Variants in MED15 observed in about 807,000 individuals in gnomAD.
The protein encoded by MED15 is mediator of RNA polymerase II transcription subunit 15.
In MED15, 41 loss-of-function variants were observed where a neutral mutation model predicts 118.7. The observed-to-expected ratio is 0.35, with a 90% CI of 0.27 to 0.45. The LOEUF is 0.45. MED15 is among the 20% of genes least tolerant of loss of function. The probability of loss-of-function intolerance (pLI) is 1.00; values close to 1 mark genes in which losing one functional copy is unlikely to be tolerated. For synonymous variants in MED15, 436 were observed against 413.9 expected (o/e 1.05, Z -0.65); for missense variants, 740 against 1,025.5 (o/e 0.72, Z 3.80).
At chr22:20,559,376 T>G (rs567559343) in intron 5 of MED15, among the ~76,000 whole-genome samples, 1 of 149,964 alleles carries the variant, frequency 6.7e-6, no homozygotes, top group East Asian at 1.9e-4. Context: ...TTATCTAGAA[T>G]GTAGCACAGA....
intron 2 of MED15, among the ~76,000 whole-genome samples, chr22:20,547,896 G>A (rs2055614971): frequency 2.0e-5 from 3 of 152,168 alleles, no homozygotes; most frequent in Non-Finnish European, 4.4e-5. Flanking sequence ...CTGCTCAGGA[G>A]GCTGAGGTGG....
intron 6 of MED15, among the ~76,000 whole-genome samples, chr22:20,565,375 C>T (rs1392295386): frequency 6.6e-6 from 1 of 152,188 alleles, no homozygotes; most frequent in Admixed American, 6.5e-5. Context: ...ACACATGTGC[C>T]TCCTGTTTAC....
In MED15 at chr22:20,527,826, G is replaced by A. The variant is rs189782930; in HGVS notation, c.69-9291G>A. On this transcript the variant is annotated intron_variant, in intron 1 of 17. Transcript: ENST00000263205. ...TCAAAAATTAGCTGGGCATGGTGGC[G>A]CGCGCCTGTAGTCCCAGCTACTCGG... Among the ~76,000 whole-genome samples, 342 of 151,952 alleles carry A rather than the reference G, an allele frequency of 2.3e-3. 2 individuals are homozygous for A. The highest frequency in any genetic ancestry group is 3.8e-3 in the Non-Finnish European group (260 of 67,946).
At chr22:20,579,311 T>C (rs1409537646) in intron 9 of MED15, among the ~76,000 whole-genome samples, 1 of 152,168 alleles carries the variant, frequency 6.6e-6, no homozygotes, top group Admixed American at 6.5e-5. Flanking sequence ...CACTGACACC[T>C]GGGCACAGGG....
chr22:20,528,502 C>G (rs1316268832), intron 1 of MED15, among the ~76,000 whole-genome samples: 1 of 152,210 alleles, frequency 6.6e-6, no homozygotes, highest in Non-Finnish European at 1.5e-5. Flanking sequence ...CACCACTTAT[C>G]TGACAGGAGG....
rs575839380 is a variant in MED15 at position 20,570,107 on chromosome 22, C to G, written c.1152+1476C>G. On this transcript the variant is annotated intron_variant, in intron 8 of 17. Transcript: ENST00000263205. ...TGGCACGATCTTGGCTCACTGCAAC[C>G]TCTGCCTCCTGGGTTCAAGTGATTC... Among the ~76,000 whole-genome samples the G allele has an allele frequency of 3.3e-5, 5 of 152,174 alleles. No homozygotes were observed. In the East Asian group the frequency reaches 9.7e-4, roughly 29 times the overall value.
chr22:20,574,999 C>G (rs165842), intron 8 of MED15, 114 bp from the exon 9 acceptor site: 632,484 of 1,513,140 alleles, frequency 0.42, 134,467 homozygotes, highest in East Asian at 0.52. Flanking sequence ...GCTGCCCAAG[C>G]TTTCCTTGCC....
intron 8 of MED15, among the ~76,000 whole-genome samples, chr22:20,570,726 T>TTTTCTTTTCTTTC (rs2056620528): frequency 8.8e-6 from 1 of 113,742 alleles, no homozygotes; most frequent in Non-Finnish European, 1.8e-5. Context: ...TTCTCTTTTC[T>TTTTCTTTTCTTTC]TTTCTTTCTT....
chr22:20,512,628 G>C (rs1184628682), intron 1 of MED15, among the ~76,000 whole-genome samples: 1 of 122,296 alleles, frequency 8.2e-6, no homozygotes, highest in East Asian at 2.5e-4. Flanking sequence ...GTCTCGCTCT[G>C]TTGCCCAGGC....
chr22:20,548,978 T>G (rs1312839973), intron 2 of MED15, among the ~76,000 whole-genome samples: 1 of 152,112 alleles, frequency 6.6e-6, no homozygotes, highest in Non-Finnish European at 1.5e-5. Flanking sequence ...TGTTTGTTTG[T>G]TTTGTAGAGA....
Position 20,586,895 on chromosome 22 carries a change from G to C in MED15, c.*191G>C. The C allele has an allele frequency of 1.1e-6, 1 of 892,748 alleles. No homozygotes were observed. Among genetic ancestry groups the C allele is most frequent in the South Asian group, 2.0e-5 (1 of 50,284 alleles). The allele number at this position is 892,748 out of a possible 1,614,324, so 55.3% of individuals were successfully genotyped here. On this transcript the variant is annotated 3_prime_UTR_variant, in exon 18 of 18. Transcript: ENST00000263205. The stretch of plus-strand genomic sequence containing the variant: ...GAACTGGGATAGGCGCAGTGGAGCG[G>C]GTTGCTTGGGGGGCGTTGGCCGACT...
chr22:20,516,517 C>T (rs571100828), intron 1 of MED15, among the ~76,000 whole-genome samples: 2 of 152,154 alleles, frequency 1.3e-5, no homozygotes, highest in South Asian at 4.2e-4. Flanking sequence ...CCAGCCCTAC[C>T]AGGTCCCTTT....
chr22:20,586,443 G>A, intron 17 of MED15, 125 bp from the exon 18 acceptor site: 2 of 1,422,320 alleles, frequency 1.4e-6, no homozygotes, highest in South Asian at 1.3e-5. Context: ...GCAGCGTGCA[G>A]GACACATCAC....
In MED15 at chr22:20,582,854, C is replaced by G; in HGVS notation, c.1424C>G (p.Pro475Arg). The change falls in exon 11 of 18, where the codon CCA becomes CGA. Residue 475 changes from proline (P) to arginine (R), a missense_variant. Transcript: ENST00000263205. ...PNSNVSSGPA[P>R]SPSSFLPSPS... ...CTTGGCTGCAGCTCTGGCCCTGCCCCATCTCCCAGTAGCTTCCTGCCCAGC... is the reference window on the plus strand; with the variant it reads ...CTTGGCTGCAGCTCTGGCCCTGCCCGATCTCCCAGTAGCTTCCTGCCCAGC... 3.7e-6 allele frequency: 6 copies of G among 1,612,898 alleles called. No homozygotes were observed. The highest frequency in any genetic ancestry group is 5.1e-6 in the Non-Finnish European group (6 of 1,179,952).
chr22:20,585,616 C>A, intron 16 of MED15, 112 bp from the exon 17 acceptor site: 1 of 1,012,300 alleles, frequency 9.9e-7, no homozygotes, highest in East Asian at 2.5e-5. Context: ...CAGGCTTTGC[C>A]ACAAGCTTCA....
At chr22:20,523,870 T>C (rs914121994) in intron 1 of MED15, 2 of 982,278 alleles carry the variant, frequency 2.0e-6, no homozygotes, top group African/African-American at 3.5e-5. Context: ...GTTCTTTCAA[T>C]GATCTTGTTT....
At chr22:20,534,825 T>C (rs1025232953) in intron 1 of MED15, among the ~76,000 whole-genome samples, 1 of 152,202 alleles carries the variant, frequency 6.6e-6, no homozygotes, top group African/African-American at 2.4e-5. Context: ...ATTATCCTCC[T>C]GGATTGTTAA....
chr22:20,583,492 G>C, intron 13 of MED15, 99 bp downstream of exon 13: 1 of 1,453,800 alleles, frequency 6.9e-7, no homozygotes, highest in Non-Finnish European at 9.6e-7. Flanking sequence ...AAAGGCACCA[G>C]GCAGCTCTTT....
At chr22:20,562,807 G>A (rs2056295295) in intron 5 of MED15, among the ~76,000 whole-genome samples, 1 of 152,144 alleles carries the variant, frequency 6.6e-6, no homozygotes, top group African/African-American at 2.4e-5. Flanking sequence ...TGAGGTCGAG[G>A]CAGGAGGATC....
Sources: gnomAD v4.1 joint callset for allele counts (sites outside exome capture counted in the v4.1 genomes callset) on GRCh38, gnomAD v4.1.1 for gene constraint, MANE v1.5 for transcripts, NCBI Gene and HGNC (gene_info 2026-07-23, HGNC 2026-07-21) for gene names.